The following KCNIP4 variants were observed in gnomAD, a reference collection of about 807,000 sequenced individuals.
KCNIP4 encodes potassium voltage-gated channel interacting protein 4.
In KCNIP4, 12 loss-of-function variants were observed where a neutral mutation model predicts 34.0. The ratio of observed to expected loss-of-function variants is 0.35; its 90% CI spans 0.23 to 0.57. The LOEUF is 0.57. Ranked by LOEUF, KCNIP4 falls within the 20% of genes least tolerant of loss-of-function variation. The pLI, the probability that KCNIP4 is intolerant of heterozygous loss-of-function variation, is 0.83. For missense variants in KCNIP4, 238 were observed against 311.7 expected (o/e 0.76, Z 1.78); for synonymous variants, 124 against 102.2 (o/e 1.21, Z -1.29).
intron 1 of KCNIP4, among the ~76,000 whole-genome samples, chr4:21,156,681 A>G (rs1367705626): frequency 1.3e-5 from 2 of 152,298 alleles, no homozygotes; most frequent in Middle Eastern, 3.4e-3. Flanking sequence ...AGCTGTGATT[A>G]GCATTTGAAA....
intron 1 of KCNIP4, among the ~76,000 whole-genome samples, chr4:21,328,840 G>A (rs916345808): frequency 1.3e-5 from 2 of 152,196 alleles, no homozygotes; most frequent in Non-Finnish European, 2.9e-5. Context: ...ACAAACAGAG[G>A]AGTCTCTTCC....
At chr4:21,472,138 C>T (rs1187415437) in intron 1 of KCNIP4, among the ~76,000 whole-genome samples, 1 of 152,114 alleles carries the variant, frequency 6.6e-6, no homozygotes, top group African/African-American at 2.4e-5. Context: ...AATGGCTGCC[C>T]AGTCAGGGAC....
intron 1 of KCNIP4, among the ~76,000 whole-genome samples, chr4:21,381,491 T>C (rs867363747): frequency 3.2e-4 from 48 of 152,184 alleles, no homozygotes; most frequent in African/African-American, 1.1e-3. Context: ...AGAAAAGATA[T>C]GTAGCATTAC....
At chr4:21,930,880 A>C (rs1729523725) in intron 1 of KCNIP4, among the ~76,000 whole-genome samples, 1 of 152,120 alleles carries the variant, frequency 6.6e-6, no homozygotes, top group Non-Finnish European at 1.5e-5. Context: ...AGTGAATTGC[A>C]AGCAGGTGCT....
chr4:21,410,288 G>A (rs191910962), intron 1 of KCNIP4, among the ~76,000 whole-genome samples: 27 of 152,278 alleles, frequency 1.8e-4, no homozygotes, highest in African/African-American at 5.5e-4. Context: ...ATTCTTTGAC[G>A]GTCTTGCCTT....
intron 2 of KCNIP4, among the ~76,000 whole-genome samples, chr4:20,868,416 G>A (rs1226510988): frequency 6.6e-6 from 1 of 152,080 alleles, no homozygotes; most frequent in Non-Finnish European, 1.5e-5. Flanking sequence ...CAGCCACTGT[G>A]GAAAGCAGTC....
rs536301435 is a variant in KCNIP4 at position 21,353,628 on chromosome 4, C to A, written c.62-470919G>T. Among the ~76,000 whole-genome samples the A allele has an allele frequency of 1.5e-3, 228 of 152,208 alleles. 1 individual carries two copies. The highest frequency in any genetic ancestry group is 2.1e-3 in the Non-Finnish European group (142 of 68,022). The stretch of plus-strand genomic sequence containing the variant: ...AAGTAAAAAGAAATGAACAAAGCCT[C>A]CAAGAAATATGGGATTATGTGAAAA... On this transcript the variant is annotated intron_variant, in intron 1 of 8. Coordinates refer to ENST00000382152, the MANE Select transcript of KCNIP4 (RefSeq NM_025221.6).
chr4:21,192,932 TACTACTA>T (rs1755765331), intron 1 of KCNIP4, among the ~76,000 whole-genome samples: 1 of 129,860 alleles, frequency 7.7e-6, no homozygotes, highest in Non-Finnish European at 1.5e-5. Context: ...CTACTACTAC[TACTACTA>T]CTACTACTAC....
chr4:21,058,239 T>C (rs1743598064), intron 1 of KCNIP4, among the ~76,000 whole-genome samples: 1 of 152,100 alleles, frequency 6.6e-6, no homozygotes, highest in African/African-American at 2.4e-5. Flanking sequence ...GGGGCATATA[T>C]GGTGAGTCCA....
At chr4:21,684,790 G>C (rs1416301678) in intron 1 of KCNIP4, among the ~76,000 whole-genome samples, 2 of 151,964 alleles carry the variant, frequency 1.3e-5, no homozygotes, top group East Asian at 1.9e-4. Context: ...TTTACATTAG[G>C]TATATCTGCT....
At chr4:21,070,495 A>G (rs1744794914) in intron 1 of KCNIP4, among the ~76,000 whole-genome samples, 1 of 151,754 alleles carries the variant, frequency 6.6e-6, no homozygotes, top group Non-Finnish European at 1.5e-5. Flanking sequence ...ATAGGTATGT[A>G]GTGATATCTC....
chr4:20,888,763 C>T (rs1158875664), intron 1 of KCNIP4, among the ~76,000 whole-genome samples: 1 of 151,818 alleles, frequency 6.6e-6, no homozygotes, highest in African/African-American at 2.4e-5. Flanking sequence ...CCTAGTTTAC[C>T]TCAAAATCCT....
intron 1 of KCNIP4, among the ~76,000 whole-genome samples, chr4:21,484,353 G>A (rs867053769): frequency 1.3e-5 from 2 of 152,034 alleles, no homozygotes; most frequent in Non-Finnish European, 2.9e-5. Flanking sequence ...ATTGAACCTG[G>A]GAGGTGGAGG....
rs145728319 is a variant in KCNIP4, at chr4:21,108,451, G to T, written c.62-225742C>A. On this transcript the variant is annotated intron_variant, in intron 1 of 8. Coordinates refer to ENST00000382152, the MANE Select transcript of KCNIP4 (RefSeq NM_025221.6). ...CGAGCCTTGGCTTTCACCTCCATCA[G>T]CTCCTTTAAGCACTTCTGTGTATTG... Among the ~76,000 whole-genome samples, 423 of 151,734 alleles carry T rather than the reference G, an allele frequency of 2.8e-3. 16 individuals are homozygous for T. The highest frequency in any genetic ancestry group is 9.7e-3 in the African/African-American group (399 of 41,044).
At chr4:20,881,653 C>T (rs76677346) in intron 2 of KCNIP4, among the ~76,000 whole-genome samples, 3,160 of 152,198 alleles carry the variant, frequency 0.021, 47 homozygotes, top group Non-Finnish European at 0.035. Flanking sequence ...AAGAATGCCA[C>T]AAAATAGAGA....
intron 1 of KCNIP4, among the ~76,000 whole-genome samples, chr4:21,757,318 A>G (rs1717733557): frequency 6.6e-6 from 1 of 152,068 alleles, no homozygotes; most frequent in South Asian, 2.1e-4. Context: ...AAAGAAAGAA[A>G]GAAACTATCA....
rs1751978829 is a variant in KCNIP4 at position 20,744,558 on chromosome 4, A to G, written c.429+5104T>C. 2.0e-5 allele frequency among the ~76,000 whole-genome samples: 3 copies of G among 151,688 alleles called. No individual in the cohort carries two copies. In the South Asian group the frequency reaches 6.3e-4, roughly 32 times the overall value. The stretch of plus-strand genomic sequence containing the variant: ...CGCATGTTCTCACTCATAGGTGGGA[A>G]TTGAAAAATGAGAACACTTGGACAT... On this transcript the variant is annotated intron_variant, in intron 5 of 8. Transcript: ENST00000382152.
chr4:21,442,959 C>A (rs1236361040), intron 1 of KCNIP4, among the ~76,000 whole-genome samples: 4 of 152,206 alleles, frequency 2.6e-5, no homozygotes, highest in African/African-American at 9.6e-5. Context: ...TCTTTTCAAT[C>A]TCAGTTAATG....
At chr4:21,303,943 A>G in intron 1 of KCNIP4, 3 of 1,606,090 alleles carry the variant, frequency 1.9e-6, no homozygotes, top group Non-Finnish European at 2.6e-6. Context: ...AGCCACTGAG[A>G]AGTGCTCCTC....
Sources: allele counts gnomAD v4.1 joint callset (sites outside exome capture counted in the v4.1 genomes callset), GRCh38; gene constraint gnomAD v4.1.1; transcripts MANE v1.5; gene names NCBI Gene and HGNC (gene_info 2026-07-23, HGNC 2026-07-21).